Variants in ZNF804B observed in about 807,000 individuals in gnomAD.
The protein encoded by ZNF804B is zinc finger protein 804B.
ZNF804B carries 80 observed loss-of-function variants against 101.4 expected under a neutral mutation model. The ratio of observed to expected loss-of-function variants is 0.79; its 90% CI spans 0.66 to 0.95. The LOEUF (loss-of-function observed/expected upper bound fraction) is 0.95. Among genes scored for constraint, ZNF804B ranks in the 40% least tolerant of loss-of-function variants. ZNF804B has a pLI of 0.00. For synonymous variants in ZNF804B, 622 were observed against 558.8 expected, an observed-to-expected ratio of 1.11 and a Z score of -1.59; for missense variants, 1,673 against 1,561.9, an observed-to-expected ratio of 1.07 and a Z score of -1.20.
At chr7:89,301,623 T>A (rs1482302650) in intron 2 of ZNF804B, among the ~76,000 whole-genome samples, 1 of 151,946 alleles carries the variant, frequency 6.6e-6, no homozygotes, top group African/African-American at 2.4e-5. Flanking sequence ...GTCTTTACTC[T>A]TGCAGTCTTT....
intron 1 of ZNF804B, among the ~76,000 whole-genome samples, chr7:88,890,766 C>T (rs1397215482): frequency 6.6e-6 from 1 of 152,052 alleles, no homozygotes; most frequent in African/African-American, 2.4e-5. Context: ...TATTATCCCA[C>T]TGTATAAAAT....
intron 1 of ZNF804B, among the ~76,000 whole-genome samples, chr7:88,766,309 C>T (rs1337017624): frequency 6.6e-6 from 1 of 152,094 alleles, no homozygotes; most frequent in Non-Finnish European, 1.5e-5. Context: ...GAAACCTTGT[C>T]TCAAAAATAA....
At chr7:88,897,580 G>A (rs1792309346) in intron 1 of ZNF804B, among the ~76,000 whole-genome samples, 1 of 152,158 alleles carries the variant, frequency 6.6e-6, no homozygotes, top group Non-Finnish European at 1.5e-5. Flanking sequence ...ATTATGTCAT[G>A]AAACCTCACC....
intron 2 of ZNF804B, among the ~76,000 whole-genome samples, chr7:89,234,913 A>G (rs1378497170): frequency 3.9e-5 from 6 of 152,046 alleles, no homozygotes; most frequent in Non-Finnish European, 5.9e-5. Flanking sequence ...ATGGCCTCTC[A>G]TGAAATTTCC....
At chr7:89,163,625 T>G (rs2116423320) in intron 1 of ZNF804B, among the ~76,000 whole-genome samples, 1 of 152,176 alleles carries the variant, frequency 6.6e-6, no homozygotes, top group Admixed American at 6.5e-5. Context: ...ATAAGTCTAG[T>G]CAAAAGCAGT....
At chr7:89,143,249 G>C (rs1790743798) in intron 1 of ZNF804B, among the ~76,000 whole-genome samples, 1 of 151,888 alleles carries the variant, frequency 6.6e-6, no homozygotes, top group Admixed American at 6.6e-5. Context: ...TGAGGACACA[G>C]TTCTGTGTTA....
intron 1 of ZNF804B, among the ~76,000 whole-genome samples, chr7:88,983,934 C>T (rs1007890226): frequency 2.0e-5 from 3 of 152,002 alleles, no homozygotes; most frequent in Non-Finnish European, 4.4e-5. Flanking sequence ...CTTGGCACCT[C>T]AGTGAAAATT....
At chr7:89,089,361 AT>A (rs201238751) in intron 1 of ZNF804B, among the ~76,000 whole-genome samples, 16,214 of 151,766 alleles carry the variant, frequency 0.11, 2,104 homozygotes, top group African/African-American at 0.3. Flanking sequence ...TTTCGGAAAA[AT>A]TTTTTTTCCC....
chr7:89,056,567 A>G (rs1327958838), intron 1 of ZNF804B, among the ~76,000 whole-genome samples: 1 of 152,124 alleles, frequency 6.6e-6, no homozygotes, highest in Non-Finnish European at 1.5e-5. Flanking sequence ...TTTTTCTTGC[A>G]GTATTTTTGA....
intron 1 of ZNF804B, among the ~76,000 whole-genome samples, chr7:89,050,218 A>G (rs955253645): frequency 6.6e-6 from 1 of 152,212 alleles, no homozygotes; most frequent in Non-Finnish European, 1.5e-5. Context: ...ATTATTACCA[A>G]GTGACCTAGA....
intron 2 of ZNF804B, among the ~76,000 whole-genome samples, chr7:89,254,106 T>C (rs7793788): frequency 0.12 from 18,571 of 152,034 alleles, 1,219 homozygotes; most frequent in Middle Eastern, 0.25. Flanking sequence ...GTTTCTGTTA[T>C]CACAATTTCT....
rs147346042 is a variant in ZNF804B at position 89,156,508 on chromosome 7, T to C, written c.109-61647T>C. On this transcript the variant is annotated intron_variant, in intron 1 of 3. Coordinates refer to ENST00000333190, the MANE Select transcript of ZNF804B (RefSeq NM_181646.5). ...TACATCAATACTGCAGTCCTAATAA[T>C]TCACTTTACAACTACAACATGGAAA... Among the ~76,000 whole-genome samples the C allele has an allele frequency of 2.3e-3, 343 of 152,266 alleles. 2 individuals are homozygous for C. Among genetic ancestry groups the C allele is most frequent in the African/African-American group, 8.0e-3 (333 of 41,558 alleles).
At chr7:88,891,912 C>A (rs930767543) in intron 1 of ZNF804B, among the ~76,000 whole-genome samples, 2 of 151,974 alleles carry the variant, frequency 1.3e-5, no homozygotes, top group African/African-American at 4.8e-5. Context: ...TGTGATGTTC[C>A]CCTTCCTGTG....
At chr7:88,974,903 C>G (rs1793593241) in intron 1 of ZNF804B, among the ~76,000 whole-genome samples, 1 of 151,226 alleles carries the variant, frequency 6.6e-6, no homozygotes, top group Non-Finnish European at 1.5e-5. Context: ...AACAATATTT[C>G]TGTACCCATT....
intron 1 of ZNF804B, among the ~76,000 whole-genome samples, chr7:89,145,850 G>A (rs984680996): frequency 9.9e-5 from 15 of 151,924 alleles, no homozygotes; most frequent in African/African-American, 3.6e-4. Context: ...GTTATATAAA[G>A]CTTAGGATAA....
At chr7:89,012,646 C>T (rs1002228527) in intron 1 of ZNF804B, among the ~76,000 whole-genome samples, 5 of 152,144 alleles carry the variant, frequency 3.3e-5, no homozygotes, top group African/African-American at 9.7e-5. Flanking sequence ...TTGTCCATAT[C>T]ACTATCAGCG....
intron 1 of ZNF804B, among the ~76,000 whole-genome samples, chr7:88,971,712 A>G (rs1041183074): frequency 2.0e-5 from 3 of 151,582 alleles, no homozygotes; most frequent in African/African-American, 7.3e-5. Flanking sequence ...TGCCTTATCC[A>G]CCTATATTCT....
At chr7:88,792,881 T>A (rs915206771) in intron 1 of ZNF804B, among the ~76,000 whole-genome samples, 2 of 152,022 alleles carry the variant, frequency 1.3e-5, no homozygotes, top group African/African-American at 4.8e-5. Flanking sequence ...TCCCTAAAAT[T>A]TGATTCTGTT....
chr7:89,156,045 T>C lies in ZNF804B; in HGVS notation c.109-62110T>C, dbSNP rs1349059578. Reference sequence around the variant, plus strand: ...CTTTCTTTCTTTCTTTCTTTCTTTCTTTCTTTCTTTCTTTCTTTCTTTCTT... The same window carrying C: ...CTTTCTTTCTTTCTTTCTTTCTTTCCTTCTTTCTTTCTTTCTTTCTTTCTT... On this transcript the variant is annotated intron_variant, in intron 1 of 3. Transcript: ENST00000333190. Among the ~76,000 whole-genome samples, 545 of 89,862 alleles carry C rather than the reference T, an allele frequency of 6.1e-3. 13 individuals carry two copies. Among genetic ancestry groups the C allele is most frequent in the Non-Finnish European group, 8.4e-3 (324 of 38,674 alleles). 59.0% of individuals were successfully genotyped at this position (89,862 alleles called of 152,430 possible). A position where few individuals can be genotyped will look rare whatever the true frequency, so the allele number is the denominator to read the frequency against.
Sources: gnomAD v4.1 joint callset for allele counts (sites outside exome capture counted in the v4.1 genomes callset) on GRCh38, gnomAD v4.1.1 for gene constraint, MANE v1.5 for transcripts, NCBI Gene and HGNC (gene_info 2026-07-23, HGNC 2026-07-21) for gene names.